The following SLC19A3 variants were observed in gnomAD, a reference collection of about 807,000 sequenced individuals.
The protein encoded by SLC19A3 is solute carrier family 19 member 3, also known as thiamine transporter 2.
In SLC19A3, 31 loss-of-function variants were observed where a neutral mutation model predicts 40.2. The ratio of observed to expected loss-of-function variants is 0.77; its 90% CI spans 0.58 to 1.04. The LOEUF is 1.04. SLC19A3 is among the 50% of genes least tolerant of loss of function. The pLI is 0.00. For missense variants in SLC19A3, 592 were observed against 596.7 expected, an observed-to-expected ratio of 0.99 and a Z score of 0.08; for synonymous variants, 212 against 227.5, an observed-to-expected ratio of 0.93 and a Z score of 0.61.
chr2:227,709,903 G>A (rs545005174), intron 1 of SLC19A3, among the ~76,000 whole-genome samples: 7 of 152,192 alleles, frequency 4.6e-5, no homozygotes, highest in Admixed American at 2.6e-4. Context: ...CCAGGAACCC[G>A]TTTCATGGAA....
Position 227,701,134 on chromosome 2 carries a change from C to T in SLC19A3, c.150+1035G>A, listed in dbSNP as rs570614499. 95 of 1,257,292 alleles carry T rather than the reference C, an allele frequency of 7.6e-5. No homozygotes were observed. The South Asian group carries it at 1.2e-3, about 16-fold the overall frequency. The allele number at this position is 1,257,292 out of a possible 1,614,324, so 77.9% of individuals were successfully genotyped here. A position where few individuals can be genotyped will look rare whatever the true frequency, so the allele number is the denominator to read the frequency against. On this transcript the variant is annotated intron_variant, in intron 2 of 5. Transcript: ENST00000644224. The stretch of plus-strand genomic sequence containing the variant: ...CTGAGCAACTCGGAAACAGGGTTGT[C>T]CCTAAGTGATCTGATGCTACAGAAG...
Position 227,705,638 on chromosome 2 carries a change from C to T in SLC19A3, c.-2-3318G>A, listed in dbSNP as rs145070708. Among the ~76,000 whole-genome samples, 359 of 152,050 alleles carry T rather than the reference C, an allele frequency of 2.4e-3. 1 individual carries two copies. Among genetic ancestry groups the T allele is most frequent in the African/African-American group, 7.7e-3 (318 of 41,470 alleles). On this transcript the variant is annotated intron_variant, in intron 1 of 5. Transcript: ENST00000644224. ...ACAATGTAAAAGCATTTATTTTTCTCGGCAACCTGGCCAGTGGGAATGGAA... is the reference window on the plus strand; with the variant it reads ...ACAATGTAAAAGCATTTATTTTTCTTGGCAACCTGGCCAGTGGGAATGGAA...
At position 227,686,000 on chromosome 2, in the gene SLC19A3, C is replaced by T; in HGVS notation, c.*1397G>A. ...TCACCTGAAGTCAGGAGTTTGAGAC[C>T]AGCCTGGCCAACATTGTGAAACCCC... On this transcript the variant is annotated 3_prime_UTR_variant, in exon 6 of 6. Transcript: ENST00000644224. 1 of 255,678 alleles carries T rather than the reference C, an allele frequency of 3.9e-6. No individual in the cohort carries two copies. The allele number at this position is 255,678 out of a possible 1,614,324, so 15.8% of individuals were successfully genotyped here.
intron 3 of SLC19A3, among the ~76,000 whole-genome samples, chr2:227,697,940 A>G (rs893066383): frequency 2.0e-5 from 3 of 151,700 alleles, no homozygotes; most frequent in South Asian, 2.1e-4. Context: ...TTAGCTGGGC[A>G]TGGTGGCACG....
At chr2:227,709,657 G>T (rs1159942379) in intron 1 of SLC19A3, among the ~76,000 whole-genome samples, 1 of 152,152 alleles carries the variant, frequency 6.6e-6, no homozygotes, top group East Asian at 1.9e-4. Context: ...ACTCAGAGCT[G>T]TGGGGCTCCC....
At position 227,686,183 on chromosome 2, in the gene SLC19A3, C is replaced by A. The variant is rs142609990; in HGVS notation, c.*1214G>T. 54 of 438,176 alleles carry A rather than the reference C, an allele frequency of 1.2e-4. No individual in the cohort carries two copies. The highest frequency in any genetic ancestry group is 8.6e-4 in the South Asian group (53 of 61,692). The allele number at this position is 438,176 out of a possible 1,614,324, so 27.1% of individuals were successfully genotyped here. A position where few individuals can be genotyped will look rare whatever the true frequency, so the allele number is the denominator to read the frequency against. ...TTGCATTCCAGCCTGGGTGAGAGAGCGAGACTGTCTCAAAAACCAAAACAA... is the reference window on the plus strand; with the variant it reads ...TTGCATTCCAGCCTGGGTGAGAGAGAGAGACTGTCTCAAAAACCAAAACAA... On this transcript the variant is annotated 3_prime_UTR_variant, in exon 6 of 6. Transcript: ENST00000644224.
intron 1 of SLC19A3, among the ~76,000 whole-genome samples, chr2:227,705,489 C>A (rs1695894898): frequency 6.6e-6 from 1 of 151,666 alleles, no homozygotes; most frequent in African/African-American, 2.4e-5. Context: ...ACAATAATTT[C>A]TATTTCTTGG....
intron 2 of SLC19A3, chr2:227,701,140 G>A (rs888027999): frequency 3.2e-6 from 4 of 1,242,226 alleles, no homozygotes; most frequent in Non-Finnish European, 4.2e-6. Flanking sequence ...TTGTCCCTAA[G>A]TGATCTGATG....
At chr2:227,695,544 T>C (rs143253387) in intron 4 of SLC19A3, 6,890 of 296,688 alleles carry the variant, frequency 0.023, 455 homozygotes, top group African/African-American at 0.14. Context: ...CAAGGCTGCA[T>C]TGAGTCCTGA....
At chr2:227,713,473 C>T (rs1696216800) in intron 1 of SLC19A3, among the ~76,000 whole-genome samples, 1 of 133,088 alleles carries the variant, frequency 7.5e-6, no homozygotes, top group Admixed American at 7.9e-5. Flanking sequence ...GCTCTGTGCT[C>T]ATGAATGAAT....
rs1477223467 is a variant in SLC19A3 at position 227,703,708 on chromosome 2, C to T, written c.-2-1388G>A. Among the ~76,000 whole-genome samples, 1 of 152,136 alleles carries T rather than the reference C, an allele frequency of 6.6e-6. No homozygotes were observed. Among genetic ancestry groups the T allele is most frequent in the Non-Finnish European group, 1.5e-5 (1 of 68,044 alleles). ...TAATGATCTTATAGAAATGGCTGTC[C>T]TGGACAGGTGATCACTGAGGCTTGG... is the stretch of plus-strand genomic sequence containing the variant. On this transcript the variant is annotated intron_variant, in intron 1 of 5. Transcript: ENST00000644224. This position sits in a 1 kb window ranked among gnomAD's most constrained non-coding sequence, Gnocchi z 4.7.
intron 1 of SLC19A3, among the ~76,000 whole-genome samples, chr2:227,704,236 T>C (rs1270707671): frequency 6.6e-6 from 1 of 152,168 alleles, no homozygotes; most frequent in African/African-American, 2.4e-5. Flanking sequence ...AGGAAGGGCA[T>C]GAGTCACGCC....
intron 1 of SLC19A3, among the ~76,000 whole-genome samples, chr2:227,709,396 A>T (rs1221333416): frequency 6.6e-6 from 1 of 152,118 alleles, no homozygotes; most frequent in Non-Finnish European, 1.5e-5. Flanking sequence ...GAGGCACGAG[A>T]ATCACTTGTA....
intron 1 of SLC19A3, among the ~76,000 whole-genome samples, chr2:227,711,439 AAATAAAATAAAAT>A (rs1173164180): frequency 3.3e-4 from 49 of 150,556 alleles, no homozygotes; most frequent in African/African-American, 1.1e-3. Flanking sequence ...AAATAAAATA[AAATAAAATAAAAT>A]AATAAAATAA....
chr2:227,686,303 G>C lies in SLC19A3; in HGVS notation c.*1094C>G, dbSNP rs111724178. The C allele has an allele frequency of 3.2e-6, 1 of 313,116 alleles. No individual in the cohort carries two copies. Among genetic ancestry groups the C allele is most frequent in the African/African-American group, 2.2e-5 (1 of 44,636 alleles). 19.4% of individuals were successfully genotyped at this position (313,116 alleles called of 1,614,324 possible). ...CCTTTAAGTTTTCCTATTTTAGACA[G>C]ACACCACACAGGTGCTCTTTTTTGG... On this transcript the variant is annotated 3_prime_UTR_variant, in exon 6 of 6. Coordinates refer to ENST00000644224, the MANE Select transcript of SLC19A3 (RefSeq NM_025243.4).
chr2:227,693,092 G>A (rs1294639212), intron 4 of SLC19A3, among the ~76,000 whole-genome samples: 2 of 152,048 alleles, frequency 1.3e-5, no homozygotes, highest in African/African-American at 4.8e-5. Flanking sequence ...TGGACTGGAG[G>A]AATCAATATT....
intron 4 of SLC19A3, among the ~76,000 whole-genome samples, chr2:227,691,633 A>G (rs1695233180): frequency 6.6e-6 from 1 of 152,188 alleles, no homozygotes. Context: ...AAGAAAAAAA[A>G]AGTCATCTGA....
chr2:227,708,064 A>C (rs1432542425), intron 1 of SLC19A3, among the ~76,000 whole-genome samples: 3 of 152,174 alleles, frequency 2.0e-5, no homozygotes, highest in Non-Finnish European at 4.4e-5. Context: ...CATGTATTCC[A>C]CATAAGGCCA....
chr2:227,690,740 A>T (rs1415383355), intron 4 of SLC19A3, among the ~76,000 whole-genome samples: 1 of 150,018 alleles, frequency 6.7e-6, no homozygotes, highest in Admixed American at 6.6e-5. Context: ...AAAATTGTAA[A>T]TTTTTTTTAA....
Sources: allele counts gnomAD v4.1 joint callset (sites outside exome capture counted in the v4.1 genomes callset), GRCh38; gene constraint gnomAD v4.1.1; non-coding constraint Gnocchi (gnomAD v3.1); transcripts MANE v1.5; gene names NCBI Gene and HGNC (gene_info 2026-07-23, HGNC 2026-07-21).